Variants in PARD3 observed in about 807,000 individuals in gnomAD.
PARD3 encodes partitioning defective 3 homolog.
Under a neutral mutation model 155.4 loss-of-function variants are expected in PARD3, and 75 were observed. The observed-to-expected ratio is 0.48, with a 90% CI of 0.40 to 0.58. The LOEUF (loss-of-function observed/expected upper bound fraction) is 0.58, where lower values mean the gene tolerates loss of function less well. Among genes scored for constraint, PARD3 ranks in the 20% least tolerant of loss-of-function variants. The pLI, the probability that PARD3 is intolerant of heterozygous loss-of-function variation, is 0.00. For synonymous variants in PARD3, 576 were observed against 610.5 expected, an observed-to-expected ratio of 0.94 and a Z score of 0.83; for missense variants, 1,642 against 1,721.7, an observed-to-expected ratio of 0.95 and a Z score of 0.82.
At chr10:34,619,080 T>C (rs976293015) in intron 2 of PARD3, among the ~76,000 whole-genome samples, 1 of 149,024 alleles carries the variant, frequency 6.7e-6, no homozygotes, top group Non-Finnish European at 1.5e-5. Flanking sequence ...AGACAGAGTC[T>C]CAGTCTGTCA....
At chr10:34,297,472 TGGCA>T (rs1956961223) in intron 20 of PARD3, among the ~76,000 whole-genome samples, 1 of 152,222 alleles carries the variant, frequency 6.6e-6, no homozygotes, top group Non-Finnish European at 1.5e-5. Context: ...AGCACACTGC[TGGCA>T]GAAATCATCA....
chr10:34,269,853 G>T lies in PARD3; in HGVS notation c.3223C>A (p.Arg1075Ser). 1.9e-6 allele frequency: 3 copies of T among 1,613,750 alleles called. No homozygotes were observed. The highest frequency in any genetic ancestry group is 2.5e-6 in the Non-Finnish European group (3 of 1,179,828). ...REFRERQARE[R>S]DYAEIQDFHR... ...AAATCTTGAATTTCAGCATAGTCAC[G>T]CTCTCGAGCTTGTCGTTCCCTAAAT... Residue 1075 changes from arginine to serine, a missense_variant, in exon 22 of 25, where the codon CGT becomes AGT. Around this residue, in one of 3 missense-constraint regions of PARD3, gnomAD observed 1,529 missense variants for 1,587.3 expected, o/e 0.96. Transcript: ENST00000374788.
intron 1 of PARD3, among the ~76,000 whole-genome samples, chr10:34,727,801 C>T (rs2094741985): frequency 6.8e-6 from 1 of 146,010 alleles, no homozygotes; most frequent in Middle Eastern, 3.5e-3. Flanking sequence ...AAGTATGCAA[C>T]CCCCTCCCTC....
intron 2 of PARD3, among the ~76,000 whole-genome samples, chr10:34,517,669 C>CT (rs1199530203): frequency 1.3e-5 from 2 of 152,096 alleles, no homozygotes; most frequent in African/African-American, 4.8e-5. Flanking sequence ...ATTTGTTTCT[C>CT]TTTAGCAATT....
At chr10:34,300,243 G>GA (rs1957084311) in intron 20 of PARD3, among the ~76,000 whole-genome samples, 1 of 152,078 alleles carries the variant, frequency 6.6e-6, no homozygotes, top group African/African-American at 2.4e-5. Context: ...ACGAATCTTG[G>GA]AAAAAACAAA....
intron 14 of PARD3, among the ~76,000 whole-genome samples, chr10:34,353,323 C>G (rs1838396708): frequency 6.6e-6 from 1 of 152,194 alleles, no homozygotes; most frequent in Non-Finnish European, 1.5e-5. Flanking sequence ...TTTACTGTGT[C>G]TGTGTAGAAA....
chr10:34,641,293 A>C (rs1322276846), intron 2 of PARD3, among the ~76,000 whole-genome samples: 1 of 152,226 alleles, frequency 6.6e-6, no homozygotes, highest in Non-Finnish European at 1.5e-5. Context: ...AATGTAAGCC[A>C]ATTAAAATTA....
intron 24 of PARD3, among the ~76,000 whole-genome samples, chr10:34,116,901 C>T (rs1043012627): frequency 4.6e-5 from 7 of 151,816 alleles, no homozygotes; most frequent in South Asian, 2.1e-4. Context: ...CAGGCGCTTC[C>T]GCAGGGAGAG....
chr10:34,562,999 G>A (rs1332117349), intron 2 of PARD3, among the ~76,000 whole-genome samples: 3 of 151,966 alleles, frequency 2.0e-5, no homozygotes, highest in Admixed American at 1.3e-4. Context: ...TCAAACTCCC[G>A]CCTTTAAGCA....
At chr10:34,546,299 C>G (rs1411537922) in intron 2 of PARD3, among the ~76,000 whole-genome samples, 1 of 151,872 alleles carries the variant, frequency 6.6e-6, no homozygotes, top group East Asian at 1.9e-4. Context: ...GGGTGAATCA[C>G]AATGTCAGGG....
intron 5 of PARD3, among the ~76,000 whole-genome samples, chr10:34,449,285 C>T (rs751410535): frequency 1.3e-5 from 2 of 151,764 alleles, no homozygotes; most frequent in East Asian, 3.9e-4. Flanking sequence ...ATACTGTACC[C>T]TTTAAATATA....
intron 22 of PARD3, among the ~76,000 whole-genome samples, chr10:34,191,425 T>C (rs1452358725): frequency 4.6e-5 from 7 of 151,980 alleles, no homozygotes; most frequent in Admixed American, 4.6e-4. Context: ...ACTGAAAGTA[T>C]CAACGAATCA....
Position 34,348,035 on chromosome 10 carries a change from A to G in PARD3, c.2148T>C (p.His716=). 1 of 1,613,176 alleles carries G rather than the reference A, an allele frequency of 6.2e-7. No homozygotes were observed. Among genetic ancestry groups the G allele is most frequent in the Non-Finnish European group, 8.5e-7 (1 of 1,179,406 alleles). Reference sequence around the variant, plus strand: ...GCCCCTCAATCCCACTGTAGAGGGAATGGGAAATTCTTCGTTCTCTATCAT... The same window carrying G: ...GCCCCTCAATCCCACTGTAGAGGGAGTGGGAAATTCTTCGTTCTCTATCAT... ...ALDDRERRIS[H]SLYSGIEGLD... Residue 716 remains histidine (H), a synonymous_variant, in exon 15 of 25, where the codon CAT becomes CAC. Coordinates refer to ENST00000374788, the MANE Select transcript of PARD3 (RefSeq NM_001184785.2).
chr10:34,345,326 G>A (rs1837295562), intron 15 of PARD3: 3 of 985,204 alleles, frequency 3.0e-6, no homozygotes, highest in Admixed American at 6.2e-5. Context: ...GCATCACAAA[G>A]CCTCAAAGCT....
chr10:34,717,625 G>C (rs936657081), intron 1 of PARD3, among the ~76,000 whole-genome samples: 1 of 152,120 alleles, frequency 6.6e-6, no homozygotes, highest in African/African-American at 2.4e-5. Flanking sequence ...TACTGGAAAA[G>C]CCTTCTAAGA....
intron 22 of PARD3, among the ~76,000 whole-genome samples, chr10:34,228,257 G>A (rs1228951478): frequency 6.6e-6 from 1 of 151,886 alleles, no homozygotes; most frequent in Non-Finnish European, 1.5e-5. Flanking sequence ...GGGGCTTACT[G>A]GAGGGAGGAG....
chr10:34,638,539 C>CT (rs2092562230), intron 2 of PARD3, among the ~76,000 whole-genome samples: 1 of 152,198 alleles, frequency 6.6e-6, no homozygotes, highest in African/African-American at 2.4e-5. Context: ...TAAAATGTAA[C>CT]TATTTCCACA....
intron 22 of PARD3, among the ~76,000 whole-genome samples, chr10:34,221,523 T>A (rs893729369): frequency 6.6e-6 from 1 of 152,094 alleles, no homozygotes; most frequent in African/African-American, 2.4e-5. Flanking sequence ...TATTTTTTTG[T>A]GGTGAGAATA....
intron 5 of PARD3, among the ~76,000 whole-genome samples, chr10:34,439,711 C>A (rs551433984): frequency 6.7e-6 from 1 of 149,812 alleles, no homozygotes; most frequent in Non-Finnish European, 1.5e-5. Flanking sequence ...CCTGCCTCAG[C>A]CTCCCAAAGT....
Sources: allele counts gnomAD v4.1 joint callset (sites outside exome capture counted in the v4.1 genomes callset), GRCh38; gene constraint gnomAD v4.1.1; regional missense constraint gnomAD v4.1.1; transcripts MANE v1.5; gene names NCBI Gene and HGNC (gene_info 2026-07-23, HGNC 2026-07-21).